The following RUFY3 variants were observed in gnomAD, a reference collection of about 807,000 sequenced individuals.
RUFY3 encodes RUN and FYVE domain containing 3.
A neutral mutation model predicts 84.0 loss-of-function variants in RUFY3; 34 were observed. The observed-to-expected ratio is 0.40, with a 90% CI of 0.31 to 0.54. RUFY3 has a LOEUF of 0.54. Ranked by LOEUF, RUFY3 falls within the 20% of genes least tolerant of loss-of-function variation. The pLI, the probability that RUFY3 is intolerant of heterozygous loss-of-function variation, is 0.39. For missense variants in RUFY3, 507 were observed against 736.8 expected, an observed-to-expected ratio of 0.69 and a Z score of 3.61; for synonymous variants, 242 against 252.9, an observed-to-expected ratio of 0.96 and a Z score of 0.41.
rs1731142606 is a variant in RUFY3 at position 70,793,666 on chromosome 4, C to T, written c.1338-119C>T. 17 of 1,559,068 alleles carry T rather than the reference C, an allele frequency of 1.1e-5. No homozygotes were observed. In the Admixed American group the frequency reaches 2.6e-4, roughly 24 times the overall value. Reference sequence around the variant, plus strand: ...CACCTGTGTCCTGCAAAGTTTTTTTCCTCTCTCTGTCTCTCTGTGCATTCT... The same window carrying T: ...CACCTGTGTCCTGCAAAGTTTTTTTTCTCTCTCTGTCTCTCTGTGCATTCT... On this transcript the variant is annotated intron_variant, in intron 12 of 17. Coordinates refer to ENST00000381006, the MANE Select transcript of RUFY3 (RefSeq NM_001037442.4).
At chr4:70,716,872 G>GA (rs1363585438) in intron 1 of RUFY3, among the ~76,000 whole-genome samples, 1 of 143,468 alleles carries the variant, frequency 7.0e-6, no homozygotes. Flanking sequence ...GAAAAGAAAA[G>GA]AAAAAATACG....
upstream of RUFY3, among the ~76,000 whole-genome samples, chr4:70,718,182 C>T (rs544997737): frequency 3.3e-5 from 5 of 152,078 alleles, no homozygotes; most frequent in South Asian, 1.0e-3. Context: ...CGCACCCAGC[C>T]CTTTACATGG....
At chr4:70,737,977 A>G (rs1158901165) in intron 1 of RUFY3, among the ~76,000 whole-genome samples, 3 of 127,172 alleles carry the variant, frequency 2.4e-5, no homozygotes, top group Non-Finnish European at 4.8e-5. Flanking sequence ...CCAGCCTATT[A>G]ATTCCTTTTT....
intron 12 of RUFY3, chr4:70,789,798 G>A: frequency 8.4e-7 from 1 of 1,195,054 alleles, no homozygotes; most frequent in Non-Finnish European, 1.0e-6. Context: ...CACTTGACTA[G>A]CCTTTAAAAA....
chr4:70,779,591 T>C (rs1728560822), intron 8 of RUFY3, among the ~76,000 whole-genome samples: 1 of 151,250 alleles, frequency 6.6e-6, no homozygotes, highest in Non-Finnish European at 1.5e-5. Context: ...TTTCTTTTTT[T>C]TTTTTTTTTT....
At chr4:70,789,463 T>A (rs746668493) in intron 11 of RUFY3, 32 bp from the exon 12 acceptor site, 25 of 1,589,144 alleles carry the variant, frequency 1.6e-5, no homozygotes, top group East Asian at 2.2e-5. Flanking sequence ...ATTTATGTTA[T>A]ACAGGTTGTT....
intron 1 of RUFY3, among the ~76,000 whole-genome samples, chr4:70,760,797 G>C (rs1724905680): frequency 6.6e-6 from 1 of 152,122 alleles, no homozygotes; most frequent in Non-Finnish European, 1.5e-5. Flanking sequence ...AGAATTAATG[G>C]TGATATATAC....
chr4:70,755,185 G>A (rs1723797416), intron 1 of RUFY3, among the ~76,000 whole-genome samples: 1 of 152,244 alleles, frequency 6.6e-6, no homozygotes, highest in South Asian at 2.1e-4. Context: ...GTGAGCCACT[G>A]CGCCCAGCCA....
intron 1 of RUFY3, among the ~76,000 whole-genome samples, chr4:70,735,928 CAGTG>C (rs1314466002): frequency 6.6e-6 from 1 of 151,968 alleles, no homozygotes; most frequent in African/African-American, 2.4e-5. Flanking sequence ...GTGGAGGTTG[CAGTG>C]AGATGAGATC....
At chr4:70,796,627 T>G (rs193115884) in intron 14 of RUFY3, among the ~76,000 whole-genome samples, 24 of 152,368 alleles carry the variant, frequency 1.6e-4, no homozygotes, top group Non-Finnish European at 3.2e-4. Context: ...TGTTGGCTAT[T>G]GTTTCTACTG....
In RUFY3 at chr4:70,722,415, T is replaced by TA; in HGVS notation, c.-159_-158insA. 3 of 123,676 alleles carry TA rather than the reference T, an allele frequency of 2.4e-5. No individual in the cohort carries two copies. The East Asian group carries it at 8.8e-4, about 36-fold the overall frequency. The allele number at this position is 123,676 out of a possible 1,614,324, so 7.7% of individuals were successfully genotyped here. A position where few individuals can be genotyped will look rare whatever the true frequency, so the allele number is the denominator to read the frequency against. On this transcript the variant is annotated 5_prime_UTR_variant, in exon 1 of 18. Transcript: ENST00000381006. ...TTCTTAACCTATAAGGTATTTTTCC[T>TA]TTTTTTTTTTTTTAAACCTCCCCCA...
At chr4:70,730,196 T>TA (rs1719013719) in intron 1 of RUFY3, among the ~76,000 whole-genome samples, 1 of 151,788 alleles carries the variant, frequency 6.6e-6, no homozygotes. Context: ...GTGCTGGGAT[T>TA]ACAAGCGTGA....
In RUFY3 at chr4:70,728,231, C is replaced by T. The variant is rs149951128; in HGVS notation, c.178+5480C>T. ...GAAGACTTAAATTAGCCAACAGTTG[C>T]GCAAAATCATCTGGCAGCACAGTAC... On this transcript the variant is annotated intron_variant, in intron 1 of 17. Transcript: ENST00000381006. Among the ~76,000 whole-genome samples the T allele has an allele frequency of 5.7e-3, 864 of 152,296 alleles. 3 individuals carry two copies. The highest frequency in any genetic ancestry group is 0.01 in the Non-Finnish European group (696 of 68,032).
intron 1 of RUFY3, among the ~76,000 whole-genome samples, chr4:70,738,015 C>T (rs1171741633): frequency 7.3e-6 from 1 of 136,438 alleles, no homozygotes; most frequent in Non-Finnish European, 1.5e-5. Flanking sequence ...TAGGGTTTCA[C>T]TCTATCACCC....
intron 10 of RUFY3, among the ~76,000 whole-genome samples, chr4:70,786,702 A>G (rs1028871633): frequency 6.6e-6 from 1 of 152,196 alleles, no homozygotes; most frequent in Non-Finnish European, 1.5e-5. Flanking sequence ...AAAAGAATTT[A>G]TAATAAGGGA....
intron 1 of RUFY3, among the ~76,000 whole-genome samples, chr4:70,749,027 T>G (rs1005263064): frequency 6.6e-6 from 1 of 152,232 alleles, no homozygotes; most frequent in African/African-American, 2.4e-5. Context: ...ATCATAGATC[T>G]AACTGCGATT....
chr4:70,783,037 A>G (rs1729206515), intron 8 of RUFY3, 54 bp from the exon 9 acceptor site: 1 of 1,071,822 alleles, frequency 9.3e-7, no homozygotes, highest in Non-Finnish European at 1.4e-6. Context: ...GAATTATCTT[A>G]TACTATGTTA....
At chr4:70,805,493 T>TA (rs1477825937) in intron 17 of RUFY3, among the ~76,000 whole-genome samples, 2 of 152,190 alleles carry the variant, frequency 1.3e-5, no homozygotes, top group African/African-American at 4.8e-5. Flanking sequence ...TTGGAAGAGA[T>TA]ACAGGAAACA....
intron 12 of RUFY3, chr4:70,790,006 T>C (rs961208203): frequency 4.2e-6 from 2 of 481,104 alleles, no homozygotes; most frequent in African/African-American, 4.2e-5. Flanking sequence ...CACTGAGAGA[T>C]AGGTGTCCTC....
Sources: allele counts gnomAD v4.1 joint callset (sites outside exome capture counted in the v4.1 genomes callset), GRCh38; gene constraint gnomAD v4.1.1; transcripts MANE v1.5; gene names NCBI Gene and HGNC (gene_info 2026-07-23, HGNC 2026-07-21).